Variants in UIMC1 observed in about 807,000 individuals in gnomAD.
UIMC1 encodes BRCA1-A complex subunit RAP80.
In UIMC1, 42 loss-of-function variants were observed where a neutral mutation model predicts 84.9. That is an observed-to-expected ratio of 0.49 (90% CI 0.39 to 0.64). The LOEUF (loss-of-function observed/expected upper bound fraction) is 0.64, where lower values mean the gene tolerates loss of function less well. Ranked by LOEUF, UIMC1 falls within the 30% of genes least tolerant of loss-of-function variation. The pLI is 0.00. For missense variants in UIMC1, 825 were observed against 847.6 expected, an observed-to-expected ratio of 0.97 and a Z score of 0.33; for synonymous variants, 281 against 293.0, an observed-to-expected ratio of 0.96 and a Z score of 0.42.
intron 9 of UIMC1, among the ~76,000 whole-genome samples, chr5:176,943,978 C>T (rs1764772415): frequency 6.6e-6 from 1 of 152,202 alleles, no homozygotes; most frequent in Non-Finnish European, 1.5e-5. Context: ...TTGTAAGGCA[C>T]AATCCTCATT....
At chr5:176,972,690 C>G (rs1259491759) in intron 3 of UIMC1, among the ~76,000 whole-genome samples, 1 of 152,028 alleles carries the variant, frequency 6.6e-6, no homozygotes, top group East Asian at 1.9e-4. Context: ...GAGCCAAGAT[C>G]ACGCAACTGC....
chr5:177,014,720 A>T (rs1775636944), intron 1 of UIMC1, among the ~76,000 whole-genome samples: 1 of 152,164 alleles, frequency 6.6e-6, no homozygotes, highest in South Asian at 2.1e-4. Context: ...AAATAAATAA[A>T]GGCAATGGGA....
At chr5:177,007,882 A>G (rs1775432762), upstream of UIMC1, among the ~76,000 whole-genome samples, 1 of 152,156 alleles carries the variant, frequency 6.6e-6, no homozygotes, top group Non-Finnish European at 1.5e-5. Context: ...AGGTAGGCAG[A>G]TCACTTGAGG....
At chr5:177,018,715 A>G (rs1775725028) in intron 1 of UIMC1, among the ~76,000 whole-genome samples, 2 of 152,216 alleles carry the variant, frequency 1.3e-5, no homozygotes, top group African/African-American at 4.8e-5. Flanking sequence ...GACAAAATAG[A>G]AAACTGGTGA....
intron 1 of UIMC1, among the ~76,000 whole-genome samples, chr5:177,011,878 G>A (rs868578314): frequency 4.0e-5 from 6 of 151,396 alleles, no homozygotes; most frequent in Admixed American, 2.6e-4. Flanking sequence ...TCAGCTCACC[G>A]CAAGCTCTGC....
chr5:176,910,857 G>A (rs867563861), intron 11 of UIMC1, among the ~76,000 whole-genome samples: 19 of 152,078 alleles, frequency 1.2e-4, no homozygotes, highest in African/African-American at 3.1e-4. Flanking sequence ...TTGGGAGGCC[G>A]AGGCAGGCCA....
intron 1 of UIMC1, among the ~76,000 whole-genome samples, chr5:176,992,525 AT>A (rs143681664): frequency 0.032 from 4,842 of 152,074 alleles, 286 homozygotes; most frequent in African/African-American, 0.11. Context: ...AATTTTTTAA[AT>A]TGATAAATTT....
intron 1 of UIMC1, among the ~76,000 whole-genome samples, chr5:177,021,782 G>A (rs552751034): frequency 6.6e-6 from 1 of 152,256 alleles, no homozygotes; most frequent in South Asian, 2.1e-4. Context: ...CCTCCGAGTA[G>A]ATGGGATTAC....
intron 10 of UIMC1, among the ~76,000 whole-genome samples, chr5:176,938,714 C>A (rs1764029925): frequency 6.6e-6 from 1 of 152,150 alleles, no homozygotes; most frequent in African/African-American, 2.4e-5. Context: ...TTATCCAGAC[C>A]TAACCAGCCT....
chr5:176,994,008 CAAA>C (rs748687355), intron 1 of UIMC1, among the ~76,000 whole-genome samples: 4 of 99,954 alleles, frequency 4.0e-5, no homozygotes, highest in Admixed American at 2.2e-4. Flanking sequence ...AACTCTATCT[CAAA>C]AAAAAAAAAA....
chr5:176,970,690 C>A (rs760969868), intron 4 of UIMC1, 52 bp downstream of exon 4: 21 of 1,612,754 alleles, frequency 1.3e-5, no homozygotes, highest in Admixed American at 5.0e-5. Context: ...CCACAGAAGT[C>A]AAAAATATAG....
rs150406460 is a variant in UIMC1 at position 176,979,885 on chromosome 5, C to T, written c.147+2584G>A. The stretch of plus-strand genomic sequence containing the variant: ...AGTATTATTTTCTGGTGTGTCTGTC[C>T]GGGTGTTTGCAGAGGAGATTAGAGT... On this transcript the variant is annotated intron_variant, in intron 2 of 14. Transcript: ENST00000511320. Among the ~76,000 whole-genome samples the T allele has an allele frequency of 5.1e-3, 778 of 152,086 alleles. 8 individuals are homozygous for T. Among genetic ancestry groups the T allele is most frequent in the African/African-American group, 0.015 (634 of 41,496 alleles).
At chr5:177,014,902 G>A (rs149744243) in intron 1 of UIMC1, among the ~76,000 whole-genome samples, 235 of 152,106 alleles carry the variant, frequency 1.5e-3, no homozygotes, top group African/African-American at 5.2e-3. Context: ...AACTTTATCC[G>A]GTAAGCAACA....
intron 8 of UIMC1, 110 bp from the exon 9 acceptor site, chr5:176,951,687 G>A: frequency 2.9e-6 from 2 of 684,850 alleles, no homozygotes; most frequent in Non-Finnish European, 4.7e-6. Flanking sequence ...CAATACTGTG[G>A]TGGCAATATA....
At chr5:177,012,945 G>T (rs1411732248) in intron 1 of UIMC1, among the ~76,000 whole-genome samples, 1 of 151,806 alleles carries the variant, frequency 6.6e-6, no homozygotes, top group Non-Finnish European at 1.5e-5. Context: ...GCCAGGCTTG[G>T]TAGTATGTGC....
chr5:176,933,217 T>A (rs1308601565), intron 10 of UIMC1, among the ~76,000 whole-genome samples: 1 of 152,110 alleles, frequency 6.6e-6, no homozygotes, highest in African/African-American at 2.4e-5. Context: ...ATAAGAACAA[T>A]ACTGAGATCC....
chr5:176,924,617 CCTAA>C (rs1445155202), intron 10 of UIMC1, among the ~76,000 whole-genome samples: 1 of 151,850 alleles, frequency 6.6e-6, no homozygotes, highest in Non-Finnish European at 1.5e-5. Context: ...AACCTCATCC[CCTAA>C]CTCACACCAT....
chr5:176,960,610 TCTCCCC>T lies in UIMC1; in HGVS notation c.1201-2462_1201-2457del, dbSNP rs1213118652. Among the ~76,000 whole-genome samples the T allele has an allele frequency of 1.2e-4, 6 of 49,668 alleles. 3 individuals carry two copies. The highest frequency in any genetic ancestry group is 3.7e-4 in the African/African-American group (2 of 5,458). The allele number at this position is 49,668 out of a possible 152,430, so 32.6% of individuals were successfully genotyped here. A position where few individuals can be genotyped will look rare whatever the true frequency, so the allele number is the denominator to read the frequency against. On this transcript the variant is annotated intron_variant, in intron 6 of 14. Transcript: ENST00000511320. Reference sequence around the variant, plus strand: ...AAAAAAAAATTCAGCCCTCTCTCCCTCTCCCCCTCCCCCTCCCCCTCCGTCTCCGTC... The same window carrying T: ...AAAAAAAAATTCAGCCCTCTCTCCCTCTCCCCCTCCCCCTCCGTCTCCGTC...
intron 6 of UIMC1, among the ~76,000 whole-genome samples, chr5:176,968,161 C>G (rs1364498975): frequency 6.6e-6 from 1 of 152,098 alleles, no homozygotes; most frequent in Non-Finnish European, 1.5e-5. Context: ...ATCACAAGGT[C>G]AGGAGTTCAA....
Sources: gnomAD v4.1 joint callset for allele counts (sites outside exome capture counted in the v4.1 genomes callset) on GRCh38, gnomAD v4.1.1 for gene constraint, MANE v1.5 for transcripts, NCBI Gene and HGNC (gene_info 2026-07-23, HGNC 2026-07-21) for gene names.